The following ERG variants were observed in gnomAD, a reference collection of about 807,000 sequenced individuals.
ERG encodes transcriptional regulator ERG.
ERG carries 9 observed loss-of-function variants against 55.3 expected under a neutral mutation model. That is an observed-to-expected ratio of 0.16 (90% CI 0.10 to 0.28). The LOEUF (loss-of-function observed/expected upper bound fraction) is 0.28. ERG is among the 10% of genes least tolerant of loss of function. ERG has a pLI of 1.00. For missense variants in ERG, 434 were observed against 631.6 expected (o/e 0.69, Z 3.35); for synonymous variants, 223 against 237.3 (o/e 0.94, Z 0.55).
chr21:38,466,289 T>C (rs1005789668), intron 1 of ERG, among the ~76,000 whole-genome samples: 3 of 94,980 alleles, frequency 3.2e-5, no homozygotes, highest in Non-Finnish European at 5.2e-5. Flanking sequence ...TTAGGCTGTC[T>C]GATGGTCTGG....
intron 1 of ERG, among the ~76,000 whole-genome samples, chr21:38,467,681 T>C (rs1472147368): frequency 6.6e-6 from 1 of 152,204 alleles, no homozygotes; most frequent in Non-Finnish European, 1.5e-5. Flanking sequence ...CATCTTGACT[T>C]TGGGGCTTCC....
chr21:38,374,169 C>G, the ERG span, among the ~76,000 whole-genome samples: 5 of 152,318 alleles, frequency 3.3e-5, no homozygotes, highest in South Asian at 1.0e-3. Context: ...TCTTGTGCTC[C>G]AACCCTTCTT....
chr21:38,660,559 C>T (rs1185090645), intron 1 of ERG: 1 of 152,196 alleles, frequency 6.6e-6, no homozygotes, highest in Non-Finnish European at 1.5e-5. Context: ...GGGCGTGTCC[C>T]GCACGTGTGT....
At chr21:38,613,254 C>T (rs1001771775) in intron 1 of ERG, among the ~76,000 whole-genome samples, 2 of 152,226 alleles carry the variant, frequency 1.3e-5, no homozygotes, top group South Asian at 4.1e-4. Context: ...AAAGAAATCA[C>T]TGATCTTTAG....
Position 38,381,233 on chromosome 21 carries a change from G to C in ERG, c.*2170C>G, listed in dbSNP as rs1987420609. 5 of 1,065,094 alleles carry C rather than the reference G, an allele frequency of 4.7e-6. No homozygotes were observed. The highest frequency in any genetic ancestry group is 2.3e-6 in the Non-Finnish European group (2 of 879,224). 66.0% of individuals were successfully genotyped at this position (1,065,094 alleles called of 1,614,324 possible). A position where few individuals can be genotyped will look rare whatever the true frequency, so the allele number is the denominator to read the frequency against. On this transcript the variant is annotated 3_prime_UTR_variant, in exon 10 of 10. Coordinates refer to ENST00000288319, the MANE Select transcript of ERG (RefSeq NM_182918.4). ...CGTGAAAAAAACAGGCCCTGAAACA[G>C]CTATGAAAAGGGCCAGTTCAGAAAC...
chr21:38,609,488 A>G (rs567012354), intron 1 of ERG, among the ~76,000 whole-genome samples: 8 of 152,346 alleles, frequency 5.3e-5, no homozygotes, highest in African/African-American at 1.9e-4. Context: ...AAAAATAAAA[A>G]CAATTATGAG....
At chr21:38,422,959 G>A (rs1467423833) in intron 3 of ERG, among the ~76,000 whole-genome samples, 1 of 152,072 alleles carries the variant, frequency 6.6e-6, no homozygotes, top group African/African-American at 2.4e-5. Context: ...TCCAAGAAGT[G>A]GCAATTCCTC....
intron 1 of ERG, among the ~76,000 whole-genome samples, chr21:38,626,978 T>C (rs534181964): frequency 1.3e-5 from 2 of 152,268 alleles, no homozygotes; most frequent in South Asian, 4.1e-4. Context: ...TTTGCAGCCA[T>C]AATTGATAGC....
intron 1 of ERG, among the ~76,000 whole-genome samples, chr21:38,452,675 T>C (rs1601423250): frequency 6.6e-6 from 1 of 152,208 alleles, no homozygotes; most frequent in East Asian, 1.9e-4. Context: ...TCCTCTCTCA[T>C]CCTAGAAGGT....
Position 38,402,570 on chromosome 21 carries a change from A to G in ERG, c.660T>C (p.His220=). ...KALQNSPRLM[H]ARNTGGAAFI... ...GGCCAGCATTACCTGTGTTTCTAGC[A>G]TGCATTAACCGTGGAGAGTTTTGTA... Residue 220 remains histidine, a synonymous_variant, in exon 5 of 10, where the codon CAT becomes CAC. Coordinates refer to ENST00000288319, the MANE Select transcript of ERG (RefSeq NM_182918.4). The G allele has an allele frequency of 6.2e-7, 1 of 1,611,820 alleles. No homozygotes were observed. The highest frequency in any genetic ancestry group is 8.5e-7 in the Non-Finnish European group (1 of 1,179,174).
At chr21:38,477,007 C>CTTTTTTTTT (rs397867221) in intron 1 of ERG, among the ~76,000 whole-genome samples, 29 of 84,164 alleles carry the variant, frequency 3.4e-4, no homozygotes, top group African/African-American at 3.8e-4. Context: ...TCTTTCTTTC[C>CTTTTTTTTT]TTTTTTTTTT....
intron 2 of ERG, among the ~76,000 whole-genome samples, chr21:38,548,019 T>A (rs1329725319): frequency 6.6e-6 from 1 of 152,252 alleles, no homozygotes; most frequent in Non-Finnish European, 1.5e-5. Flanking sequence ...ATAATTGTTC[T>A]ACATTGGTAA....
chr21:38,512,870 C>A (rs547291721), intron 2 of ERG, among the ~76,000 whole-genome samples: 1 of 152,226 alleles, frequency 6.6e-6, no homozygotes, highest in African/African-American at 2.4e-5. Flanking sequence ...CAGTGGCTCA[C>A]GCCTGTAATC....
intron 1 of ERG, among the ~76,000 whole-genome samples, chr21:38,639,861 C>T (rs775348777): frequency 5.3e-5 from 8 of 152,174 alleles, no homozygotes; most frequent in Non-Finnish European, 1.2e-4. Flanking sequence ...GACAGGATAA[C>T]CTGGAGACAG....
intron 1 of ERG, among the ~76,000 whole-genome samples, chr21:38,487,525 A>T (rs1231799928): frequency 6.6e-6 from 1 of 152,220 alleles, no homozygotes; most frequent in Non-Finnish European, 1.5e-5. Context: ...ACAGGGTCCT[A>T]TCCCATCAGG....
At chr21:38,432,511 A>T (rs1234707178) in intron 2 of ERG, among the ~76,000 whole-genome samples, 1 of 152,262 alleles carries the variant, frequency 6.6e-6, no homozygotes, top group Non-Finnish European at 1.5e-5. Context: ...TCAGTTGGTT[A>T]ATCTTCCAAC....
At position 38,629,630 on chromosome 21, in the gene ERG, T is replaced by C. The variant is rs144205555; in HGVS notation, c.-150+32028A>G. The stretch of plus-strand genomic sequence containing the variant: ...AAGTGTTGTTGAGGATATGGAGAAA[T>C]TGGAACCCTTGTTCCATGCTGGTGG... On this transcript the variant is annotated intron_variant, in intron 1 of 10. Transcript: ENST00000398910. Among the ~76,000 whole-genome samples the C allele has an allele frequency of 6.9e-4, 105 of 152,272 alleles. 1 individual carries two copies. Among genetic ancestry groups the C allele is most frequent in the African/African-American group, 2.4e-3 (100 of 41,564 alleles).
chr21:38,502,980 CT>C (rs773378927), upstream of ERG, among the ~76,000 whole-genome samples: 26 of 152,176 alleles, frequency 1.7e-4, no homozygotes, highest in Non-Finnish European at 3.5e-4. Context: ...TCGCCTCAGC[CT>C]CCCAAAGTGC....
In ERG at chr21:38,381,858, C is replaced by T. The variant is rs1666005092; in HGVS notation, c.*1545G>A. 2 of 1,063,680 alleles carry T rather than the reference C, an allele frequency of 1.9e-6. No homozygotes were observed. Among genetic ancestry groups the T allele is most frequent in the Non-Finnish European group, 2.3e-6 (2 of 878,238 alleles). The allele number at this position is 1,063,680 out of a possible 1,614,324, so 65.9% of individuals were successfully genotyped here. A position where few individuals can be genotyped will look rare whatever the true frequency, so the allele number is the denominator to read the frequency against. On this transcript the variant is annotated 3_prime_UTR_variant, in exon 10 of 10. Transcript: ENST00000288319. ...AGACAGGAGGGGAGGCAAGAAGGACCTGGAGAGGCTGACGCCATTTGGGTG... is the reference window on the plus strand; with the variant it reads ...AGACAGGAGGGGAGGCAAGAAGGACTTGGAGAGGCTGACGCCATTTGGGTG...
Sources: allele counts gnomAD v4.1 joint callset (sites outside exome capture counted in the v4.1 genomes callset), GRCh38; gene constraint gnomAD v4.1.1; transcripts MANE v1.5; gene names NCBI Gene and HGNC (gene_info 2026-07-23, HGNC 2026-07-21).